Variants in BICDL2 observed in about 807,000 individuals in gnomAD.
BICDL2 encodes BICD family like cargo adaptor 2.
In BICDL2, 62 loss-of-function variants were observed where a neutral mutation model predicts 56.6. The ratio of observed to expected loss-of-function variants is 1.10; its 90% CI spans 0.89 to 1.35. BICDL2 has a LOEUF of 1.35. Ranked by LOEUF, BICDL2 falls within the 40% of genes most tolerant of loss-of-function variation. The pLI is 0.00. For missense variants in BICDL2, 808 were observed against 684.5 expected, an observed-to-expected ratio of 1.18 and a Z score of -2.01; for synonymous variants, 358 against 319.8, an observed-to-expected ratio of 1.12 and a Z score of -1.27.
intron 6 of BICDL2, 25 bp downstream of exon 6, chr16:3,029,519 AG>A (rs1955618593): frequency 6.4e-7 from 1 of 1,562,076 alleles, no homozygotes; most frequent in Non-Finnish European, 8.6e-7. Flanking sequence ...GGCACAGGTA[AG>A]GGGGCTGGGG....
At position 3,028,232 on chromosome 16, in the gene BICDL2, CTG is replaced by C. The variant is rs751964617; in HGVS notation, c.1399_1400del (p.Gln467AlafsTer36). The C allele has an allele frequency of 6.8e-6, 10 of 1,472,480 alleles. No homozygotes were observed. In the South Asian group the frequency reaches 1.4e-4, roughly 21 times the overall value. The allele number at this position is 1,472,480 out of a possible 1,614,324, so 91.2% of individuals were successfully genotyped here. ...CGGAGGCGCTCAGCTCCTTCTGGCG[CTG>C]TGAGCGCAGCTGCTGCCCGATCACC... ...QVVIGQQLRS[Q>X]RQKELSASAS... On this transcript the variant is annotated frameshift_variant, in exon 10 of 10. Coordinates refer to ENST00000572449, the MANE Select transcript of BICDL2 (RefSeq NM_001369667.1). LOFTEE classifies it low-confidence loss of function (END_TRUNC).
intron 2 of BICDL2, 39 bp downstream of exon 2, chr16:3,035,176 T>TTGGGCCGGGGGGG: frequency 7.3e-6 from 1 of 136,274 alleles, no homozygotes; most frequent in Non-Finnish European, 1.4e-5. Context: ...CGTCCTCCCC[T>TTGGGCCGGGGGGG]GCCCACCCAC....
intron 8 of BICDL2, 36 bp downstream of exon 8, chr16:3,028,664 G>A (rs933510446): frequency 6.4e-7 from 1 of 1,555,126 alleles, no homozygotes; most frequent in Non-Finnish European, 8.7e-7. Flanking sequence ...AGGGCCCAGA[G>A]GGCGCTGGGG....
In BICDL2 at chr16:3,028,459, C is replaced by T; in HGVS notation, c.1248G>A (p.Glu416=). The change falls in exon 9 of 10, where the codon GAG becomes GAA. Residue 416 remains glutamate (E), a synonymous_variant. Transcript: ENST00000572449. ...DRDEAVNKAL[E]LSLQLNRVSL... ...AGACGCGGTTGAGCTGCAGGGACAGCTCCAGGGCCCTAGGCGGGCAGGAGC... is the reference window on the plus strand; with the variant it reads ...AGACGCGGTTGAGCTGCAGGGACAGTTCCAGGGCCCTAGGCGGGCAGGAGC... 1 of 1,571,090 alleles carries T rather than the reference C, an allele frequency of 6.4e-7. No homozygotes were observed. Among genetic ancestry groups the T allele is most frequent in the South Asian group, 1.1e-5 (1 of 87,442 alleles).
rs1205689108 is a variant in BICDL2, at chr16:3,029,694, G to A, written c.808C>T (p.Arg270Trp). 1 of 1,541,540 alleles carries A rather than the reference G, an allele frequency of 6.5e-7. No individual in the cohort carries two copies. The highest frequency in any genetic ancestry group is 8.7e-7 in the Non-Finnish European group (1 of 1,150,322). ...SEAGEALSAL[R>W]RLQRRVSELE... ...TCGGAGACGCGCCGCTGCAGCCTCC[G>A]CAGCGCACTCAGCGCCTCCCCAGCC... Residue 270 changes from arginine (R) to tryptophan (W), a missense_variant, in exon 6 of 10, where the codon CGG becomes TGG. By Grantham distance (101) the Arg-to-Trp change is moderately radical. Coordinates refer to ENST00000572449, the MANE Select transcript of BICDL2 (RefSeq NM_001369667.1).
At chr16:3,035,176 T>TTGGGCCGGGGG in intron 2 of BICDL2, 39 bp downstream of exon 2, 1 of 136,274 alleles carries the variant, frequency 7.3e-6, no homozygotes, top group Non-Finnish European at 1.4e-5. Flanking sequence ...CGTCCTCCCC[T>TTGGGCCGGGGG]GCCCACCCAC....
intron 2 of BICDL2, chr16:3,032,987 G>A (rs1359675282): frequency 1.3e-5 from 2 of 152,284 alleles, no homozygotes; most frequent in Admixed American, 6.6e-5. Flanking sequence ...CTGTCCCTTA[G>A]AGAACGGGCT....
At chr16:3,032,013 T>C (rs1241571514) in intron 2 of BICDL2, 1 of 152,206 alleles carries the variant, frequency 6.6e-6, no homozygotes. Flanking sequence ...CTCACGGCAA[T>C]GTCCGCCTCC....
chr16:3,029,896 G>A, intron 5 of BICDL2, 157 bp from the exon 6 acceptor site: 1 of 611,346 alleles, frequency 1.6e-6, no homozygotes, highest in Non-Finnish European at 2.7e-6. Context: ...CTTGGGCCGT[G>A]CACCTCCCTC....
rs897951228 is a variant in BICDL2, at chr16:3,029,536, C to G, written c.957+9G>C. 80 of 1,553,486 alleles carry G rather than the reference C, an allele frequency of 5.1e-5. No individual in the cohort carries two copies. The highest frequency in any genetic ancestry group is 6.5e-5 in the Non-Finnish European group (75 of 1,155,350). On this transcript the variant is annotated intron_variant, in intron 6 of 9. Coordinates refer to ENST00000572449, the MANE Select transcript of BICDL2 (RefSeq NM_001369667.1). ...CACAGGTAAGGGGGCTGGGGCCCCA[C>G]GAGCTCACCGGGGTGTCTCCGGGTG...
Position 3,028,223 on chromosome 16 carries a change from C to T in BICDL2, c.1410G>A (p.Lys470=), listed in dbSNP as rs758141999. ...ACGACGACGCGGAGGCGCTCAGCTC[C>T]TTCTGGCGCTGTGAGCGCAGCTGCT... ...IGQQLRSQRQ[K]ELSASASSST... The change falls in exon 10 of 10, where the codon AAG becomes AAA. Residue 470 remains lysine, a synonymous_variant. Coordinates refer to ENST00000572449, the MANE Select transcript of BICDL2 (RefSeq NM_001369667.1). 4.1e-6 allele frequency: 6 copies of T among 1,472,466 alleles called. No homozygotes were observed. In the Admixed American group the frequency reaches 8.0e-5, roughly 20 times the overall value. 91.2% of individuals were successfully genotyped at this position (1,472,466 alleles called of 1,614,324 possible).
chr16:3,028,835 G>T lies in BICDL2; in HGVS notation c.1108-5C>A. On this transcript the variant is annotated splice_polypyrimidine_tract_variant and splice_region_variant and intron_variant, in intron 7 of 9. Coordinates refer to ENST00000572449, the MANE Select transcript of BICDL2 (RefSeq NM_001369667.1). ...CTCTGCCTGCTGCAGCGAGATCTGT[G>T]AGCAGAGGAGGGGGGCCGTGCGGCA... 1 of 1,544,014 alleles carries T rather than the reference G, an allele frequency of 6.5e-7. No homozygotes were observed.
chr16:3,029,233 T>G (rs1284084211), intron 7 of BICDL2, 47 bp downstream of exon 7: 1 of 1,587,514 alleles, frequency 6.3e-7, no homozygotes, highest in East Asian at 2.3e-5. Context: ...AGACAGAAAC[T>G]GACAGCTGGA....
intron 2 of BICDL2, 60 bp from the exon 3 acceptor site, chr16:3,031,210 C>T (rs1226612364): frequency 7.0e-7 from 1 of 1,432,972 alleles, no homozygotes. Flanking sequence ...TGGGCAGGCA[C>T]AGAGAGATGG....
intron 1 of BICDL2, 108 bp from the exon 2 acceptor site, chr16:3,035,634 G>A (rs898181854): frequency 4.2e-6 from 4 of 958,556 alleles, no homozygotes; most frequent in Non-Finnish European, 6.0e-6. Flanking sequence ...CTGCAGCCAG[G>A]GCTTCCTGGG....
intron 1 of BICDL2, 100 bp from the exon 2 acceptor site, chr16:3,035,626 G>T: frequency 2.8e-6 from 3 of 1,072,006 alleles, no homozygotes; most frequent in Non-Finnish European, 3.9e-6. Context: ...GCCCGGTCCT[G>T]CAGCCAGGGC....
chr16:3,030,374 G>T, intron 5 of BICDL2, 75 bp downstream of exon 5: 2 of 1,527,568 alleles, frequency 1.3e-6, no homozygotes, highest in East Asian at 2.3e-5. Context: ...TCCAGCTCCG[G>T]CCTCATCTCC....
At chr16:3,035,175 C>CAGGGCCCCGGGGGGGGGGGGG in intron 2 of BICDL2, 40 bp downstream of exon 2, 1 of 387,928 alleles carries the variant, frequency 2.6e-6, no homozygotes, top group East Asian at 4.5e-5. Flanking sequence ...CCGTCCTCCC[C>CAGGGCCCCGGGGGGGGGGGGG]TGCCCACCCA....
chr16:3,035,074 G>T, intron 2 of BICDL2, 141 bp downstream of exon 2: 1 of 843,654 alleles, frequency 1.2e-6, no homozygotes, highest in Non-Finnish European at 1.8e-6. Context: ...GCTCTGACCT[G>T]TTCCAAAGTG....
Sources: allele counts gnomAD v4.1 joint callset, GRCh38; gene constraint gnomAD v4.1.1; transcripts MANE v1.5; gene names NCBI Gene and HGNC (gene_info 2026-07-23, HGNC 2026-07-21).